The following EIF2B3 variants were observed in gnomAD, a reference collection of about 807,000 sequenced individuals.
EIF2B3 encodes translation initiation factor eIF2B subunit gamma.
A neutral mutation model predicts 54.1 loss-of-function variants in EIF2B3; 20 were observed. That is an observed-to-expected ratio of 0.37 (90% CI 0.26 to 0.54). The LOEUF (loss-of-function observed/expected upper bound fraction) is 0.54, where lower values mean the gene tolerates loss of function less well. Ranked by LOEUF, EIF2B3 falls within the 20% of genes least tolerant of loss-of-function variation. EIF2B3 has a pLI of 0.86. For missense variants in EIF2B3, 448 were observed against 547.8 expected (o/e 0.82, Z 1.82); for synonymous variants, 153 against 188.1 (o/e 0.81, Z 1.52).
chr1:44,873,491 G>A (rs1655026053), intron 10 of EIF2B3, among the ~76,000 whole-genome samples: 1 of 152,028 alleles, frequency 6.6e-6, no homozygotes, highest in South Asian at 2.1e-4. Flanking sequence ...TAGAGTTATA[G>A]CATAACTTTG....
chr1:44,982,685 C>T (rs1307607048), intron 1 of EIF2B3, among the ~76,000 whole-genome samples: 1 of 152,034 alleles, frequency 6.6e-6, no homozygotes, highest in Non-Finnish European at 1.5e-5. Flanking sequence ...ACTGCAGCCT[C>T]AACCTCCTGC....
chr1:44,878,707 T>C (rs1655279159), intron 8 of EIF2B3, among the ~76,000 whole-genome samples: 1 of 152,008 alleles, frequency 6.6e-6, no homozygotes, highest in African/African-American at 2.4e-5. Flanking sequence ...CTGTTATCCT[T>C]GAATGCCACC....
At position 44,879,948 on chromosome 1, in the gene EIF2B3, C is replaced by T; in HGVS notation, c.845G>A (p.Trp282Ter). The change falls in exon 8 of 12, where the codon TGG (tryptophan) becomes TAG (stop). Residue 282 changes from tryptophan to a stop codon, truncating the protein, a stop_gained. Transcript: ENST00000360403. LOFTEE classifies it high-confidence loss of function. Reference protein sequence around the residue: ...TLNLAPYDACWNACRGDRWED... With the variant: ...TLNLAPYDAC Reference sequence around the variant, plus strand: ...CCACCTGTCTCCTCGACAGGCATTCCAGCAGGCATCATAGGGAGCCAGGTT... The same window carrying T: ...CCACCTGTCTCCTCGACAGGCATTCTAGCAGGCATCATAGGGAGCCAGGTT... 1 of 1,614,192 alleles carries T rather than the reference C, an allele frequency of 6.2e-7. No individual in the cohort carries two copies. Among genetic ancestry groups the T allele is most frequent in the East Asian group, 2.2e-5 (1 of 44,890 alleles).
chr1:44,962,955 T>C (rs927273803), intron 3 of EIF2B3, among the ~76,000 whole-genome samples: 1 of 152,038 alleles, frequency 6.6e-6, no homozygotes, highest in African/African-American at 2.4e-5. Flanking sequence ...ACCAGACAGC[T>C]GGGTGCAGTG....
At chr1:44,895,543 T>A (rs1280702870) in intron 6 of EIF2B3, among the ~76,000 whole-genome samples, 1 of 151,900 alleles carries the variant, frequency 6.6e-6, no homozygotes, top group East Asian at 1.9e-4. Context: ...TATATATATG[T>A]ACATATACAT....
intron 4 of EIF2B3, among the ~76,000 whole-genome samples, chr1:44,933,195 A>G (rs1643912334): frequency 6.6e-6 from 1 of 152,220 alleles, no homozygotes; most frequent in South Asian, 2.1e-4. Flanking sequence ...GACAATCTTT[A>G]GGAAAACAAA....
intron 3 of EIF2B3, among the ~76,000 whole-genome samples, chr1:44,956,672 G>T (rs1403179294): frequency 2.6e-5 from 4 of 152,034 alleles, no homozygotes; most frequent in Admixed American, 6.6e-5. Flanking sequence ...CTCAGCTTGG[G>T]AATTTAGTAT....
chr1:44,955,840 T>A (rs1438330929), intron 3 of EIF2B3, among the ~76,000 whole-genome samples: 1 of 152,138 alleles, frequency 6.6e-6, no homozygotes, highest in African/African-American at 2.4e-5. Flanking sequence ...AGAATGGCGA[T>A]CATTAAAAAG....
At chr1:44,958,460 C>T (rs892903457) in intron 3 of EIF2B3, 6 of 677,370 alleles carry the variant, frequency 8.9e-6, no homozygotes, top group Non-Finnish European at 1.5e-5. Flanking sequence ...CCAGTCTGGA[C>T]CTCTTTGGTG....
chr1:44,946,757 C>A (rs541523467), intron 3 of EIF2B3, among the ~76,000 whole-genome samples: 36 of 152,084 alleles, frequency 2.4e-4, no homozygotes, highest in Non-Finnish European at 4.6e-4. Context: ...GCCACTGAGC[C>A]TGGCCTGATT....
At chr1:44,935,089 G>C (rs1436460775) in intron 4 of EIF2B3, among the ~76,000 whole-genome samples, 1 of 152,188 alleles carries the variant, frequency 6.6e-6, no homozygotes, top group Non-Finnish European at 1.5e-5. Flanking sequence ...ATAACTCTGA[G>C]AACTAAGGAG....
At chr1:44,865,731 C>T (rs569118499) in intron 10 of EIF2B3, among the ~76,000 whole-genome samples, 4 of 152,002 alleles carry the variant, frequency 2.6e-5, no homozygotes, top group South Asian at 2.1e-4. Context: ...TACAGGCATG[C>T]GCCACCACGC....
In EIF2B3 at chr1:44,967,434, G is replaced by A. The variant is rs1216966098; in HGVS notation, c.294+10881C>T. 1.2e-4 allele frequency among the ~76,000 whole-genome samples: 17 copies of A among 146,910 alleles called. No homozygotes were observed. The East Asian group carries it at 2.8e-3, about 25-fold the overall frequency. The stretch of plus-strand genomic sequence containing the variant: ...TGCACTCCAGCGTGGGCAACAGAGC[G>A]AGACTCTGTCTCAAAAAAAAAAAAG... On this transcript the variant is annotated intron_variant, in intron 3 of 11. Coordinates refer to ENST00000360403, the MANE Select transcript of EIF2B3 (RefSeq NM_020365.5).
At chr1:44,888,775 C>T (rs1391417146) in intron 6 of EIF2B3, among the ~76,000 whole-genome samples, 1 of 152,150 alleles carries the variant, frequency 6.6e-6, no homozygotes, top group Non-Finnish European at 1.5e-5. Flanking sequence ...GGTGAGGTCT[C>T]CATCTGGTTT....
chr1:44,981,055 G>T lies in EIF2B3; in HGVS notation c.114C>A (p.Tyr38Ter), dbSNP rs1644506725. Residue 38 changes from tyrosine (Y) to a stop codon, truncating the protein, a stop_gained, in exon 2 of 12, where the codon TAC becomes TAA. Transcript: ENST00000360403. LOFTEE classifies it high-confidence loss of function. ...LPVGNKPLIWYPLNLLERVGF... is the reference protein window; with the variant it reads ...LPVGNKPLIW Reference sequence around the variant, plus strand: ...CAACACGCTCAAGCAGGTTCAATGGGTACCAAATTAAAGGTTTGTTCCCAA... The same window carrying T: ...CAACACGCTCAAGCAGGTTCAATGGTTACCAAATTAAAGGTTTGTTCCCAA... 1.2e-6 allele frequency: 2 copies of T among 1,613,224 alleles called. No individual in the cohort carries two copies. The highest frequency in any genetic ancestry group is 3.3e-5 in the Admixed American group (2 of 59,770).
chr1:44,968,804 G>A (rs573484520), intron 3 of EIF2B3, among the ~76,000 whole-genome samples: 2 of 151,940 alleles, frequency 1.3e-5, no homozygotes, highest in Admixed American at 6.6e-5. Flanking sequence ...GGCTGAGGCA[G>A]GAGAACTGCT....
At chr1:44,876,476 C>A (rs1409463416) in intron 8 of EIF2B3, among the ~76,000 whole-genome samples, 8 of 133,310 alleles carry the variant, frequency 6.0e-5, no homozygotes, top group African/African-American at 2.3e-4. Context: ...TGGCAGCCGC[C>A]CCGTCTGAGA....
At chr1:44,855,103 AAAG>A (rs1487536262) in intron 11 of EIF2B3, among the ~76,000 whole-genome samples, 54 of 152,044 alleles carry the variant, frequency 3.6e-4, no homozygotes, top group Middle Eastern at 3.4e-3. Context: ...AAAAAAAAAA[AAAG>A]AAGAAGTAAT....
Position 44,969,703 on chromosome 1 carries a change from G to GATAA in EIF2B3, c.294+8608_294+8611dup, listed in dbSNP as rs1317329155. On this transcript the variant is annotated intron_variant, in intron 3 of 11. Coordinates refer to ENST00000360403, the MANE Select transcript of EIF2B3 (RefSeq NM_020365.5). ...TGTTAACTGTTGATGCTGGGTGACA[G>GATAA]ATAAATGGGCAATGTTGATTACTTT... 2.6e-5 allele frequency among the ~76,000 whole-genome samples: 4 copies of GATAA among 152,166 alleles called. No individual in the cohort carries two copies. The East Asian group carries it at 7.7e-4, about 29-fold the overall frequency.
Sources: allele counts gnomAD v4.1 joint callset (sites outside exome capture counted in the v4.1 genomes callset), GRCh38; gene constraint gnomAD v4.1.1; transcripts MANE v1.5; gene names NCBI Gene and HGNC (gene_info 2026-07-23, HGNC 2026-07-21).